MKNK1: variants seen among roughly 807,000 people sequenced by gnomAD.
MKNK1 encodes the protein MAPK interacting serine/threonine kinase 1.
Under a neutral mutation model 49.3 loss-of-function variants are expected in MKNK1, and 30 were observed. That is an observed-to-expected ratio of 0.61 (90% CI 0.46 to 0.83). The LOEUF is 0.83. Ranked by LOEUF, MKNK1 falls within the 40% of genes least tolerant of loss-of-function variation. The pLI, the probability that MKNK1 is intolerant of heterozygous loss-of-function variation, is 0.00. For missense variants in MKNK1, 423 were observed against 524.7 expected, an observed-to-expected ratio of 0.81 and a Z score of 1.89; for synonymous variants, 176 against 201.7, an observed-to-expected ratio of 0.87 and a Z score of 1.08.
At chr1:46,600,140 T>C (rs1385746081) in intron 1 of MKNK1, among the ~76,000 whole-genome samples, 1 of 152,206 alleles carries the variant, frequency 6.6e-6, no homozygotes, top group Admixed American at 6.5e-5. Flanking sequence ...GGGATTGATT[T>C]CTCCTTCTTC....
At position 46,588,807 on chromosome 1, in the gene MKNK1, C is replaced by CAAAAAA. The variant is rs35556956; in HGVS notation, c.-3+5300_-3+5305dup. ...TGGGCGACAGAGCGAGACTCCGTCTCAAAAAAAAAAAAAAAAATGCTACTT... is the reference window on the plus strand; with the variant it reads ...TGGGCGACAGAGCGAGACTCCGTCTCAAAAAAAAAAAAAAAAAAAAAAATGCTACTT... On this transcript the variant is annotated intron_variant, in intron 2 of 12. Transcript: ENST00000371945. 8.3e-3 allele frequency among the ~76,000 whole-genome samples: 594 copies of CAAAAAA among 71,274 alleles called. 4 individuals carry two copies. Among genetic ancestry groups the CAAAAAA allele is most frequent in the East Asian group, 0.059 (131 of 2,228 alleles). 46.8% of individuals were successfully genotyped at this position (71,274 alleles called of 152,430 possible). A position where few individuals can be genotyped will look rare whatever the true frequency, so the allele number is the denominator to read the frequency against.
rs1668216355 is a variant in MKNK1 at position 46,562,592 on chromosome 1, CCCAA to C, written c.804+53_804+56del. On this transcript the variant is annotated intron_variant, in intron 10 of 12. Coordinates refer to ENST00000371945, the MANE Select transcript of MKNK1 (RefSeq NM_001135553.4). Reference sequence around the variant, plus strand: ...CCCAGCCCAGTCCTGCTTGGCATCCCCCAACCACACTGACCCCTAGCAGGGTCTA... The same window carrying C: ...CCCAGCCCAGTCCTGCTTGGCATCCCCCACACTGACCCCTAGCAGGGTCTA... 1.7e-5 allele frequency: 26 copies of C among 1,508,376 alleles called. No individual in the cohort carries two copies. The South Asian group carries it at 3.0e-4, about 18-fold the overall frequency. 93.4% of individuals were successfully genotyped at this position (1,508,376 alleles called of 1,614,324 possible).
rs973443454 is a variant in MKNK1, at chr1:46,557,760, TAAAAC to T, written c.*810_*814del. 1 of 152,280 alleles carries T rather than the reference TAAAAC, an allele frequency of 6.6e-6. No homozygotes were observed. 9.4% of individuals were successfully genotyped at this position (152,280 alleles called of 1,614,324 possible). ...ATCAGAATAATAGGGAACTGCTGAT[TAAAAC>T]CCAAGTGCATGGACATTCTAGAAAG... On this transcript the variant is annotated 3_prime_UTR_variant, in exon 13 of 13. Coordinates refer to ENST00000371945, the MANE Select transcript of MKNK1 (RefSeq NM_001135553.4).
chr1:46,600,924 T>C (rs1674653094), intron 1 of MKNK1, among the ~76,000 whole-genome samples: 2 of 151,734 alleles, frequency 1.3e-5, no homozygotes, highest in Non-Finnish European at 2.9e-5. Context: ...GTGTAATCTT[T>C]TTTTTTTTTT....
rs527812288 is a variant in MKNK1 at position 46,582,230 on chromosome 1, T to C, written c.100+998A>G. Among the ~76,000 whole-genome samples, 9 of 152,160 alleles carry C rather than the reference T, an allele frequency of 5.9e-5. No individual in the cohort carries two copies. In the South Asian group the frequency reaches 1.5e-3, roughly 25 times the overall value. ...ACACACAGACACACACCCCTGCTGT[T>C]TGAGTTAAAGGCAAACAAAAAACCC... On this transcript the variant is annotated intron_variant, in intron 3 of 12. Coordinates refer to ENST00000371945, the MANE Select transcript of MKNK1 (RefSeq NM_001135553.4).
chr1:46,579,890 T>C (rs112581950), intron 4 of MKNK1, among the ~76,000 whole-genome samples: 2 of 114,338 alleles, frequency 1.7e-5, no homozygotes, highest in Non-Finnish European at 3.1e-5. Context: ...CTTCTTTTAA[T>C]TTTTTTTTTC....
At chr1:46,591,458 C>T (rs1028280335) in intron 2 of MKNK1, among the ~76,000 whole-genome samples, 1 of 152,184 alleles carries the variant, frequency 6.6e-6, no homozygotes, top group South Asian at 2.1e-4. Context: ...TCTGGGATCA[C>T]AGGCAGCCTT....
At chr1:46,565,224 C>A in intron 8 of MKNK1, 88 bp from the exon 9 acceptor site, 1 of 1,212,460 alleles carries the variant, frequency 8.2e-7, no homozygotes. Flanking sequence ...TGCATGGCTC[C>A]GTGGCTGTCA....
At position 46,558,410 on chromosome 1, in the gene MKNK1, A is replaced by T; in HGVS notation, c.*165T>A. 1.5e-6 allele frequency: 1 copy of T among 660,430 alleles called. No individual in the cohort carries two copies. Among genetic ancestry groups the T allele is most frequent in the Non-Finnish European group, 2.4e-6 (1 of 408,996 alleles). 40.9% of individuals were successfully genotyped at this position (660,430 alleles called of 1,614,324 possible). A position where few individuals can be genotyped will look rare whatever the true frequency, so the allele number is the denominator to read the frequency against. ...AAAAAGCTTTTTCCTCCAGGACCCTAGGGAAATGGGGGTTGATGGGAACCT... is the reference window on the plus strand; with the variant it reads ...AAAAAGCTTTTTCCTCCAGGACCCTTGGGAAATGGGGGTTGATGGGAACCT... On this transcript the variant is annotated 3_prime_UTR_variant, in exon 13 of 13. Coordinates refer to ENST00000371945, the MANE Select transcript of MKNK1 (RefSeq NM_001135553.4).
chr1:46,572,731 T>C (rs1451922997), intron 6 of MKNK1, among the ~76,000 whole-genome samples: 1 of 152,004 alleles, frequency 6.6e-6, no homozygotes, highest in African/African-American at 2.4e-5. Context: ...CAACTATAAA[T>C]AGGGCCAAAA....
At chr1:46,560,356 G>C (rs536190881) in intron 11 of MKNK1, 79 bp from the exon 12 acceptor site, 1 of 1,480,854 alleles carries the variant, frequency 6.8e-7, no homozygotes, top group Non-Finnish European at 9.4e-7. Flanking sequence ...CCAGCAGTGG[G>C]TAGGTTACTA....
At chr1:46,586,056 G>A (rs1342513928) in intron 2 of MKNK1, 3 of 586,600 alleles carry the variant, frequency 5.1e-6, no homozygotes, top group Non-Finnish European at 8.5e-6. Context: ...GGAAGCGAGA[G>A]GTGTCATAAT....
chr1:46,586,719 A>T (rs1672627585), intron 2 of MKNK1, among the ~76,000 whole-genome samples: 1 of 152,230 alleles, frequency 6.6e-6, no homozygotes, highest in South Asian at 2.1e-4. Context: ...AAGGCTACTT[A>T]GTTTTATGAA....
At chr1:46,568,761 C>A in intron 7 of MKNK1, 1 of 491,288 alleles carries the variant, frequency 2.0e-6, no homozygotes, top group East Asian at 3.8e-5. Flanking sequence ...CCAGCCTACC[C>A]CTCAGTACCA....
In MKNK1 at chr1:46,572,129, TG is replaced by T; in HGVS notation, c.390del (p.Phe130LeufsTer30). ...ILAHIQKQKH[F>X]NEREASRVVR... is the part of the protein sequence containing the mutation. ...ACCACTCGGCTGGCTTCTCGCTCAT[TG>T]AAGTGCTTTTGCTTCTGGATGTGGG... On this transcript the variant is annotated frameshift_variant, in exon 7 of 13. Transcript: ENST00000371945. LOFTEE classifies it high-confidence loss of function. 1 of 1,614,180 alleles carries T rather than the reference TG, an allele frequency of 6.2e-7. No individual in the cohort carries two copies. The highest frequency in any genetic ancestry group is 8.5e-7 in the Non-Finnish European group (1 of 1,180,014).
At chr1:46,581,434 C>T (rs552336858) in intron 3 of MKNK1, among the ~76,000 whole-genome samples, 7 of 147,948 alleles carry the variant, frequency 4.7e-5, no homozygotes, top group Non-Finnish European at 1.0e-4. Context: ...CGCTTGAACC[C>T]GAGAGGCGGA....
In MKNK1 at chr1:46,570,829, T is replaced by G. The variant is rs1479752407; in HGVS notation, c.457+1234A>C. Among the ~76,000 whole-genome samples the G allele has an allele frequency of 2.6e-5, 4 of 152,372 alleles. No individual in the cohort carries two copies. In the East Asian group the frequency reaches 7.7e-4, roughly 29 times the overall value. ...GACATACCAGGAACTATGCTCCATC[T>G]ATGCTGCACATATACAATACAAACA... On this transcript the variant is annotated intron_variant, in intron 7 of 12. Coordinates refer to ENST00000371945, the MANE Select transcript of MKNK1 (RefSeq NM_001135553.4).
intron 4 of MKNK1, among the ~76,000 whole-genome samples, chr1:46,580,248 A>G (rs1671534435): frequency 6.6e-6 from 1 of 152,262 alleles, no homozygotes; most frequent in South Asian, 2.1e-4. Context: ...ACTATGAGCC[A>G]GGCATTGTGC....
At chr1:46,564,466 G>GTTTTTTTTTTTTTTTTTTTTTTTTTTT (rs568296534) in intron 9 of MKNK1, among the ~76,000 whole-genome samples, 1 of 70,184 alleles carries the variant, frequency 1.4e-5, no homozygotes, top group African/African-American at 6.8e-5. Context: ...TTTTTTTATT[G>GTTTTTTTTTTTTTTTTTTTTTTTTTTT]TTTTTTTTTT....
Sources: gnomAD v4.1 joint callset for allele counts (sites outside exome capture counted in the v4.1 genomes callset) on GRCh38, gnomAD v4.1.1 for gene constraint, MANE v1.5 for transcripts, NCBI Gene and HGNC (gene_info 2026-07-23, HGNC 2026-07-21) for gene names.